The following CSMD1 variants were observed in gnomAD, a reference collection of about 807,000 sequenced individuals.
CSMD1 encodes CUB and Sushi multiple domains 1.
In CSMD1, 213 loss-of-function variants were observed where a neutral mutation model predicts 417.5. The ratio of observed to expected loss-of-function variants is 0.51; its 90% CI spans 0.46 to 0.57. CSMD1 has a LOEUF of 0.57. Among genes scored for constraint, CSMD1 ranks in the 20% least tolerant of loss-of-function variants. The pLI is 0.00. For missense variants in CSMD1, 6,923 were observed against 4,529.7 expected (o/e 1.53, Z -15.17); for synonymous variants, 2,862 against 1,736.8 (o/e 1.65, Z -16.11).
At chr8:3,635,725 T>C (rs1359424916) in intron 7 of CSMD1, among the ~76,000 whole-genome samples, 1 of 144,232 alleles carries the variant, frequency 6.9e-6, no homozygotes, top group Non-Finnish European at 1.5e-5. Flanking sequence ...CCTCGTGATC[T>C]GCCCGCCTCG....
chr8:4,023,860 G>C (rs1459739528), intron 4 of CSMD1, among the ~76,000 whole-genome samples: 2 of 139,196 alleles, frequency 1.4e-5, no homozygotes, highest in Non-Finnish European at 3.0e-5. Context: ...CTCGGGATCT[G>C]CCCGCCTTGG....
intron 3 of CSMD1, among the ~76,000 whole-genome samples, chr8:4,246,528 T>A (rs1396070620): frequency 1.3e-5 from 2 of 152,148 alleles, no homozygotes; most frequent in Non-Finnish European, 2.9e-5. Flanking sequence ...TGAAAATTAC[T>A]TTTTTTACTT....
chr8:4,005,054 C>T (rs1057479361), intron 4 of CSMD1, among the ~76,000 whole-genome samples: 3 of 152,126 alleles, frequency 2.0e-5, no homozygotes, highest in East Asian at 3.8e-4. Flanking sequence ...ACCAAACATC[C>T]TATGTTCTCA....
intron 3 of CSMD1, among the ~76,000 whole-genome samples, chr8:4,314,828 T>A (rs1798827176): frequency 6.6e-6 from 1 of 152,102 alleles, no homozygotes; most frequent in South Asian, 2.1e-4. Context: ...GGCAAAGGAT[T>A]TTGTAAGAGG....
chr8:4,871,557 T>G (rs1802741477), intron 1 of CSMD1, among the ~76,000 whole-genome samples: 1 of 152,146 alleles, frequency 6.6e-6, no homozygotes, highest in Non-Finnish European at 1.5e-5. Flanking sequence ...TGTTTTTATG[T>G]TTTGCTTTTA....
intron 57 of CSMD1, among the ~76,000 whole-genome samples, chr8:2,968,935 A>C (rs536060423): frequency 2.0e-5 from 3 of 152,274 alleles, no homozygotes; most frequent in African/African-American, 7.2e-5. Context: ...TCAGCATATA[A>C]TAAAATATTA....
chr8:3,280,853 C>T (rs1054804828), intron 26 of CSMD1, among the ~76,000 whole-genome samples: 19 of 152,124 alleles, frequency 1.2e-4, no homozygotes, highest in Middle Eastern at 3.4e-3. Flanking sequence ...GGGTCTTCTT[C>T]TTTTTTTCTA....
chr8:3,424,136 T>G (rs1813671349), intron 12 of CSMD1, among the ~76,000 whole-genome samples: 1 of 152,200 alleles, frequency 6.6e-6, no homozygotes, highest in African/African-American at 2.4e-5. Context: ...GGAAGCTCAT[T>G]TGTATCTAAG....
At chr8:3,841,128 G>T (rs1374244639) in intron 5 of CSMD1, among the ~76,000 whole-genome samples, 1 of 152,004 alleles carries the variant, frequency 6.6e-6, no homozygotes, top group Non-Finnish European at 1.5e-5. Context: ...TGGCACTATT[G>T]GCCCCCTCAT....
intron 60 of CSMD1, 32 bp from the exon 61 acceptor site, chr8:2,962,671 T>C: frequency 6.2e-7 from 1 of 1,602,140 alleles, no homozygotes; most frequent in Non-Finnish European, 8.5e-7. Flanking sequence ...AAGTCAGCCT[T>C]CAACGTCCCT....
intron 5 of CSMD1, among the ~76,000 whole-genome samples, chr8:3,879,737 G>T (rs1203737610): frequency 6.6e-6 from 1 of 152,090 alleles, no homozygotes; most frequent in Non-Finnish European, 1.5e-5. Context: ...AAAAAGTGTT[G>T]CATGTGGACT....
chr8:3,844,486 T>A (rs1438596714), intron 5 of CSMD1, among the ~76,000 whole-genome samples: 1 of 152,158 alleles, frequency 6.6e-6, no homozygotes, highest in Non-Finnish European at 1.5e-5. Context: ...GAGAGCAATC[T>A]CTTTGGTAAT....
chr8:3,282,466 T>G (rs2117225229), intron 26 of CSMD1, among the ~76,000 whole-genome samples: 1 of 152,372 alleles, frequency 6.6e-6, no homozygotes, highest in Non-Finnish European at 1.5e-5. Context: ...TTTTTTGTTT[T>G]GCTAAATAAG....
At chr8:4,099,613 TAA>T (rs1223194493) in intron 3 of CSMD1, among the ~76,000 whole-genome samples, 1 of 143,156 alleles carries the variant, frequency 7.0e-6, no homozygotes, top group South Asian at 2.2e-4. Flanking sequence ...ATCCCCCAAT[TAA>T]AAAAAAAAAA....
chr8:4,103,487 T>A (rs12543803), intron 3 of CSMD1, among the ~76,000 whole-genome samples: 80,979 of 149,734 alleles, frequency 0.54, 22,035 homozygotes, highest in Non-Finnish European at 0.56. Flanking sequence ...GTTTTACATA[T>A]ATATAAATAA....
rs75039886 is a variant in CSMD1, at chr8:3,921,472, G to A, written c.818+76431C>T. On this transcript the variant is annotated intron_variant, in intron 5 of 69. Transcript: ENST00000635120. ...TTTGTTCTTTTCCTAGTTCAGTGAG[G>A]TGTAAAGTTAGGTTGCTTATATAAA... 5.3e-5 allele frequency among the ~76,000 whole-genome samples: 8 copies of A among 151,970 alleles called. No individual in the cohort carries two copies. The East Asian group carries it at 1.4e-3, about 26-fold the overall frequency.
At chr8:4,764,790 G>C (rs1563326428) in intron 1 of CSMD1, among the ~76,000 whole-genome samples, 4 of 146,972 alleles carry the variant, frequency 2.7e-5, no homozygotes, top group Non-Finnish European at 4.5e-5. Flanking sequence ...GGAGAATGGT[G>C]TGAACCCAGG....
At chr8:3,732,133 G>A (rs763242558) in intron 6 of CSMD1, among the ~76,000 whole-genome samples, 4 of 152,290 alleles carry the variant, frequency 2.6e-5, no homozygotes, top group East Asian at 1.9e-4. Flanking sequence ...GGCTCCTAGC[G>A]GAAGCCACGG....
intron 2 of CSMD1, among the ~76,000 whole-genome samples, chr8:4,475,920 T>G (rs1251060796): frequency 6.6e-6 from 1 of 152,166 alleles, no homozygotes; most frequent in Non-Finnish European, 1.5e-5. Context: ...GCTCTTTTAT[T>G]ATACTTTGTT....
Sources: gnomAD v4.1 joint callset for allele counts (sites outside exome capture counted in the v4.1 genomes callset) on GRCh38, gnomAD v4.1.1 for gene constraint, MANE v1.5 for transcripts, NCBI Gene and HGNC (gene_info 2026-07-23, HGNC 2026-07-21) for gene names.